Variants in PUDP observed in about 807,000 individuals in gnomAD.
PUDP encodes pseudouridine 5'-phosphatase, also known as pseudouridine-5'-phosphatase.
A neutral mutation model predicts 9.4 loss-of-function variants in PUDP; 8 were observed. The observed-to-expected ratio is 0.85, with a 90% CI of 0.50 to 1.53. The LOEUF (loss-of-function observed/expected upper bound fraction) is 1.53, where lower values mean the gene tolerates loss of function less well. PUDP is among the 40% of genes most tolerant of loss of function. The probability of loss-of-function intolerance (pLI) is 0.00; values close to 1 mark genes in which losing one functional copy is unlikely to be tolerated. For synonymous variants in PUDP, 99 were observed against 80.7 expected (o/e 1.23, Z -1.22); for missense variants, 188 against 189.7 (o/e 0.99, Z 0.05).
rs779072568 is a variant in PUDP, at chrX:6,829,882, C to T, written c.*248-123416G>A. Among the ~76,000 whole-genome samples, 8 of 110,535 alleles carry T rather than the reference C, an allele frequency of 7.2e-5. 1 individual carries two copies. The highest frequency in any genetic ancestry group is 4.9e-4 in the Admixed American group (5 of 10,259). On this transcript the variant is annotated intron_variant and NMD_transcript_variant, in intron 3 of 3. Transcript: ENST00000655425. Reference sequence around the variant, plus strand: ...GTCCTAGGAGGTGAGTTCAGGATCTCGGCTGCTGGCTGGGTTGAGGGAGGC... The same window carrying T: ...GTCCTAGGAGGTGAGTTCAGGATCTTGGCTGCTGGCTGGGTTGAGGGAGGC...
At chrX:6,926,355 T>C in intron 3 of PUDP, among the ~76,000 whole-genome samples, 1 of 112,071 alleles carries the variant, frequency 8.9e-6, no homozygotes, top group Middle Eastern at 4.6e-3. Context: ...TTAGAGCACC[T>C]AAAAATACAG....
chrX:6,917,372 TA>T lies in PUDP; in HGVS notation c.*247+59760del, dbSNP rs11377739. Among the ~76,000 whole-genome samples the T allele has an allele frequency of 1.4e-3, 140 of 98,126 alleles. 1 individual carries two copies. The highest frequency in any genetic ancestry group is 2.1e-3 in the Non-Finnish European group (100 of 48,724). 85.2% of individuals were successfully genotyped at this position (98,126 alleles called of 115,157 possible). A position where few individuals can be genotyped will look rare whatever the true frequency, so the allele number is the denominator to read the frequency against. ...ATAGAGGAAAACCCTAACTCAAAAT[TA>T]AAAAAAAAAAAAACTTAAATACTTT... On this transcript the variant is annotated intron_variant and NMD_transcript_variant, in intron 3 of 3. Transcript: ENST00000655425.
At chrX:6,845,152 G>C (rs1254382603) in intron 3 of PUDP, among the ~76,000 whole-genome samples, 1 of 111,891 alleles carries the variant, frequency 8.9e-6, no homozygotes, top group Non-Finnish European at 1.9e-5. Context: ...GCCTAGTCAA[G>C]TCGACACTTA....
intron 3 of PUDP, among the ~76,000 whole-genome samples, chrX:6,944,157 T>G (rs1049887707): frequency 9.0e-6 from 1 of 110,803 alleles, no homozygotes; most frequent in Non-Finnish European, 1.9e-5. Flanking sequence ...CCCATGCTGT[T>G]CTCATGATAG....
At chrX:6,767,451 G>A (rs763639090) in intron 3 of PUDP, among the ~76,000 whole-genome samples, 1 of 112,572 alleles carries the variant, frequency 8.9e-6, no homozygotes, top group East Asian at 2.8e-4. Flanking sequence ...ATTAGTCGCT[G>A]GCGAATGTGG....
intron 3 of PUDP, among the ~76,000 whole-genome samples, chrX:6,773,971 T>C (rs1278580203): frequency 9.0e-6 from 1 of 111,203 alleles, no homozygotes; most frequent in African/African-American, 3.3e-5. Context: ...AAACCCTGTC[T>C]CTACTAAAAA....
At chrX:6,830,131 C>A (rs951222373) in intron 3 of PUDP, among the ~76,000 whole-genome samples, 14 of 109,866 alleles carry the variant, frequency 1.3e-4, no homozygotes, top group African/African-American at 4.6e-4. Flanking sequence ...AAGACACATA[C>A]CCGGTCTCTT....
At position 7,117,020 on chromosome X, in the gene PUDP, T is replaced by C. The variant is rs1460878450; in HGVS notation, c.62-11182A>G. On this transcript the variant is annotated intron_variant, in intron 1 of 3. Transcript: ENST00000381077. ...GACTCCCCCGAAGCAGCTGCCACTA[T>C]GCTTCCTGTATAACCTGCAGAAATG... The C allele has an allele frequency of 2.6e-6, 3 of 1,167,574 alleles. 1 individual carries two copies. In the Admixed American group the frequency reaches 7.7e-5, roughly 30 times the overall value.
intron 1 of PUDP, among the ~76,000 whole-genome samples, chrX:6,997,386 C>T (rs11095308): frequency 0.21 from 23,227 of 111,390 alleles, 2,009 homozygotes; most frequent in Admixed American, 0.36. Context: ...TGCTTCTTCT[C>T]TTTCAGAATA....
At chrX:6,982,023 T>TACACACACACACAC (rs59016698) in intron 1 of PUDP, among the ~76,000 whole-genome samples, 8,929 of 86,762 alleles carry the variant, frequency 0.1, 543 homozygotes, top group Non-Finnish European at 0.15. Flanking sequence ...AACTTATGGA[T>TACACACACACACAC]ACACACACAC....
intron 3 of PUDP, among the ~76,000 whole-genome samples, chrX:6,839,747 T>C (rs2146716965): frequency 9.0e-6 from 1 of 111,471 alleles, no homozygotes; most frequent in Admixed American, 9.5e-5. Context: ...GCAACAGGAA[T>C]GCTTATTCAT....
At chrX:6,745,714 G>A (rs1393452426) in intron 3 of PUDP, among the ~76,000 whole-genome samples, 1 of 111,679 alleles carries the variant, frequency 9.0e-6, no homozygotes, top group Non-Finnish European at 1.9e-5. Context: ...CACAATTATA[G>A]CTCACTGCAG....
At chrX:6,706,451 G>A (rs1443625138) in exon 2 of PUDP, 2 of 111,977 alleles carry the variant, frequency 1.8e-5, no homozygotes, top group Non-Finnish European at 3.8e-5. Flanking sequence ...CTGGGTGATA[G>A]AGAGAGATCC....
At chrX:6,930,707 CACTCT>C (rs144434860) in intron 3 of PUDP, among the ~76,000 whole-genome samples, 33,578 of 109,898 alleles carry the variant, frequency 0.31, 4,491 homozygotes, top group Non-Finnish European at 0.4. Context: ...AACTTGCTTT[CACTCT>C]ACTCTGCAGA....
chrX:6,833,956 T>G (rs1025916701), intron 3 of PUDP, among the ~76,000 whole-genome samples: 5 of 112,346 alleles, frequency 4.5e-5, no homozygotes. Context: ...GTTGTACTAT[T>G]TGGGGGCAAA....
chrX:7,041,695 G>C (rs1167507328), intron 1 of PUDP, among the ~76,000 whole-genome samples: 1 of 111,697 alleles, frequency 9.0e-6, no homozygotes, highest in African/African-American at 3.3e-5. Context: ...CCATGTCTTG[G>C]CTTTCCTGAT....
At chrX:6,851,124 C>A (rs72609557) in intron 3 of PUDP, among the ~76,000 whole-genome samples, 10,073 of 111,577 alleles carry the variant, frequency 0.09, 577 homozygotes, top group East Asian at 0.46. Flanking sequence ...TAGAATCTAT[C>A]AAAGAAAAAT....
At chrX:7,056,874 T>C (rs192243564) in intron 3 of PUDP, among the ~76,000 whole-genome samples, 45 of 112,366 alleles carry the variant, frequency 4.0e-4, no homozygotes, top group African/African-American at 1.3e-3. Flanking sequence ...AACTCTTGAA[T>C]AGAATCCAGG....
intron 1 of PUDP, among the ~76,000 whole-genome samples, chrX:7,128,951 G>C (rs966884077): frequency 2.7e-5 from 3 of 111,530 alleles, no homozygotes; most frequent in African/African-American, 9.8e-5. Context: ...AAACCCCCAC[G>C]ATGTCTCTTT....
Sources: gnomAD v4.1 joint callset for allele counts (sites outside exome capture counted in the v4.1 genomes callset) on GRCh38, gnomAD v4.1.1 for gene constraint, MANE v1.5 for transcripts, NCBI Gene and HGNC (gene_info 2026-07-23, HGNC 2026-07-21) for gene names.